Variants in ZNF529 observed in about 807,000 individuals in gnomAD.
ZNF529 encodes zinc finger protein 529.
ZNF529 carries 11 observed loss-of-function variants against 10.1 expected under a neutral mutation model. The observed-to-expected ratio is 1.09, with a 90% CI of 0.69 to 1.81. ZNF529 has a LOEUF of 1.81. ZNF529 is among the 40% of genes most tolerant of loss of function. The pLI, the probability that ZNF529 is intolerant of heterozygous loss-of-function variation, is 0.00. For synonymous variants in ZNF529, 204 were observed against 215.7 expected, an observed-to-expected ratio of 0.95 and a Z score of 0.47; for missense variants, 624 against 666.8, an observed-to-expected ratio of 0.94 and a Z score of 0.71.
At chr19:36,602,304 C>T (rs940376499) in intron 1 of ZNF529, among the ~76,000 whole-genome samples, 1 of 152,126 alleles carries the variant, frequency 6.6e-6, no homozygotes, top group African/African-American at 2.4e-5. Context: ...CCTTGACCTC[C>T]CAAAGTGCTG....
At chr19:36,602,626 GA>G (rs1372482750) in intron 1 of ZNF529, among the ~76,000 whole-genome samples, 3 of 150,990 alleles carry the variant, frequency 2.0e-5, no homozygotes, top group Admixed American at 6.6e-5. Flanking sequence ...TGACTTGGGG[GA>G]AAAAAAGAAA....
In ZNF529 at chr19:36,556,163, C is replaced by T. The variant is rs2035463119; in HGVS notation, c.49G>A (p.Ala17Thr). ...GGGAATTCCACTTCTGGCATGACAGCATGAGGAGCTCCATGGACATGATCC... is the reference window on the plus strand; with the variant it reads ...GGGAATTCCACTTCTGGCATGACAGTATGAGGAGCTCCATGGACATGATCC... ...IGDHVHGAPH[A>T]VMPEVEFPDQ... The change falls in exon 3 of 5, where the codon GCT (alanine) becomes ACT (threonine). Residue 17 changes from alanine to threonine, a missense_variant. Ala to Thr is a moderately conservative substitution (Grantham distance 58). Transcript: ENST00000591340. The T allele has an allele frequency of 1.4e-6, 2 of 1,417,710 alleles. No individual in the cohort carries two copies. The highest frequency in any genetic ancestry group is 2.0e-6 in the Non-Finnish European group (2 of 1,024,750). The allele number at this position is 1,417,710 out of a possible 1,614,324, so 87.8% of individuals were successfully genotyped here. A position where few individuals can be genotyped will look rare whatever the true frequency, so the allele number is the denominator to read the frequency against.
rs1473410704 is a variant in ZNF529 at position 36,547,900 on chromosome 19, T to G, written c.658A>C (p.Ile220Leu). The part of the protein sequence containing the change: ...IDNSSMLQLN[I>L]HTGVKPCKYM... Reference sequence around the variant, plus strand: ...TTACAAGGTTTCACACCAGTATGAATATTCAGTTGTAACATACTGGAGTTA... The same window carrying G: ...TTACAAGGTTTCACACCAGTATGAAGATTCAGTTGTAACATACTGGAGTTA... Residue 220 changes from isoleucine to leucine, a missense_variant, in exon 5 of 5, where the codon ATT becomes CTT. By Grantham distance (5) the Ile-to-Leu change is conservative. Coordinates refer to ENST00000591340, the MANE Select transcript of ZNF529 (RefSeq NM_020951.5). The G allele has an allele frequency of 2.5e-6, 4 of 1,612,226 alleles. No individual in the cohort carries two copies. Among genetic ancestry groups the G allele is most frequent in the Non-Finnish European group, 3.4e-6 (4 of 1,178,820 alleles).
chr19:36,560,645 T>A (rs1297506122), intron 2 of ZNF529, among the ~76,000 whole-genome samples: 3 of 152,206 alleles, frequency 2.0e-5, no homozygotes, highest in African/African-American at 7.2e-5. Context: ...TTGGTTGAGT[T>A]TGAAACATCT....
intron 1 of ZNF529, among the ~76,000 whole-genome samples, chr19:36,597,947 A>G (rs2036865557): frequency 6.6e-6 from 1 of 152,202 alleles, no homozygotes; most frequent in Admixed American, 6.5e-5. Flanking sequence ...TATTGCCTGA[A>G]CAGGTAGATT....
rs1204395217 is a variant in ZNF529, at chr19:36,555,355, G to A, written c.109-559C>T. Among the ~76,000 whole-genome samples, 11 of 25,762 alleles carry A rather than the reference G, an allele frequency of 4.3e-4. 3 individuals are homozygous for A. Among genetic ancestry groups the A allele is most frequent in the East Asian group, 6.1e-4 (1 of 1,638 alleles). The allele number at this position is 25,762 out of a possible 152,430, so 16.9% of individuals were successfully genotyped here. A position where few individuals can be genotyped will look rare whatever the true frequency, so the allele number is the denominator to read the frequency against. On this transcript the variant is annotated intron_variant, in intron 3 of 4. Coordinates refer to ENST00000591340, the MANE Select transcript of ZNF529 (RefSeq NM_020951.5). The stretch of plus-strand genomic sequence containing the variant: ...AGGCCGGACTGCGGACTGCAGTGGC[G>A]CAATCTCGGCTCACTGCAAGCTCCG...
intron 4 of ZNF529, among the ~76,000 whole-genome samples, chr19:36,552,640 A>T (rs542181865): frequency 1.3e-5 from 2 of 152,260 alleles, no homozygotes; most frequent in African/African-American, 4.8e-5. Context: ...CTATAGAGCA[A>T]CTTCCCTTCC....
At chr19:36,554,437 G>A (rs1357997707) in intron 4 of ZNF529, among the ~76,000 whole-genome samples, 1 of 152,096 alleles carries the variant, frequency 6.6e-6, no homozygotes, top group African/African-American at 2.4e-5. Context: ...AATTAGATGG[G>A]CATAGTGGCG....
intron 1 of ZNF529, among the ~76,000 whole-genome samples, chr19:36,597,140 G>A (rs748775251): frequency 1.1e-4 from 16 of 152,118 alleles, no homozygotes; most frequent in Non-Finnish European, 1.8e-4. Context: ...CAAATGCTGG[G>A]ATTATAGGCA....
At chr19:36,549,672 G>A (rs1364759834) in intron 4 of ZNF529, among the ~76,000 whole-genome samples, 1 of 152,096 alleles carries the variant, frequency 6.6e-6, no homozygotes, top group African/African-American at 2.4e-5. Context: ...CTTATGCAGA[G>A]CCATGATTGA....
chr19:36,589,378 T>C (rs2036654384), intron 2 of ZNF529, among the ~76,000 whole-genome samples: 1 of 152,208 alleles, frequency 6.6e-6, no homozygotes, highest in South Asian at 2.1e-4. Context: ...GGATACGCAG[T>C]TAGTGTCTGC....
chr19:36,557,187 C>T (rs1312788392), intron 2 of ZNF529, among the ~76,000 whole-genome samples: 1 of 152,130 alleles, frequency 6.6e-6, no homozygotes, highest in Non-Finnish European at 1.5e-5. Context: ...TGCTCAAAGA[C>T]AGCCCTGTCA....
chr19:36,558,390 G>A (rs1467716557), intron 2 of ZNF529, among the ~76,000 whole-genome samples: 1 of 151,996 alleles, frequency 6.6e-6, no homozygotes, highest in Non-Finnish European at 1.5e-5. Flanking sequence ...TAAAAGCACT[G>A]AAATCCAAAG....
At chr19:36,575,297 T>G (rs1309378292), upstream of ZNF529, among the ~76,000 whole-genome samples, 1 of 152,178 alleles carries the variant, frequency 6.6e-6, no homozygotes, top group East Asian at 1.9e-4. Context: ...CATTGGAAAC[T>G]AGGAGGTAAA....
At chr19:36,566,299 A>T (rs2035895374) in intron 2 of ZNF529, among the ~76,000 whole-genome samples, 1 of 152,210 alleles carries the variant, frequency 6.6e-6, no homozygotes, top group East Asian at 1.9e-4. Flanking sequence ...TAAAATATTC[A>T]CTGTAATCTT....
At chr19:36,577,269 A>G (rs553944812), upstream of ZNF529, 3 of 415,662 alleles carry the variant, frequency 7.2e-6, no homozygotes, top group East Asian at 7.7e-5. Flanking sequence ...CCTACTTTCT[A>G]TCGAAGTAGA....
At chr19:36,587,180 G>A (rs536569703) in intron 2 of ZNF529, among the ~76,000 whole-genome samples, 1 of 151,788 alleles carries the variant, frequency 6.6e-6, no homozygotes, top group African/African-American at 2.4e-5. Context: ...CAGGAGAATC[G>A]CTTGAACCCA....
At chr19:36,592,888 G>T (rs1010433411) in intron 1 of ZNF529, among the ~76,000 whole-genome samples, 1 of 151,912 alleles carries the variant, frequency 6.6e-6, no homozygotes, top group Admixed American at 6.6e-5. Flanking sequence ...AAAAATTATC[G>T]GACAAAATAC....
intron 1 of ZNF529, among the ~76,000 whole-genome samples, chr19:36,602,110 C>T (rs1022690614): frequency 6.6e-6 from 1 of 150,430 alleles, no homozygotes; most frequent in East Asian, 2.0e-4. Context: ...TGCAGTGGCG[C>T]GATCTCGGCT....
Sources: gnomAD v4.1 joint callset for allele counts (sites outside exome capture counted in the v4.1 genomes callset) on GRCh38, gnomAD v4.1.1 for gene constraint, MANE v1.5 for transcripts, NCBI Gene and HGNC (gene_info 2026-07-23, HGNC 2026-07-21) for gene names.